IPO8: variants seen among roughly 807,000 people sequenced by gnomAD.
IPO8 encodes importin-8.
In IPO8, 65 loss-of-function variants were observed where a neutral mutation model predicts 141.2. That is an observed-to-expected ratio of 0.46 (90% CI 0.38 to 0.57). IPO8 has a LOEUF of 0.57. IPO8 is among the 20% of genes least tolerant of loss of function. The probability of loss-of-function intolerance (pLI) is 0.00; values close to 1 mark genes in which losing one functional copy is unlikely to be tolerated. For synonymous variants in IPO8, 411 were observed against 420.3 expected, an observed-to-expected ratio of 0.98 and a Z score of 0.27; for missense variants, 980 against 1,246.8, an observed-to-expected ratio of 0.79 and a Z score of 3.22.
rs191088924 is a variant in IPO8, at chr12:30,634,350, G to A, written c.2696-64C>T. On this transcript the variant is annotated intron_variant, in intron 22 of 24. Coordinates refer to ENST00000256079, the MANE Select transcript of IPO8 (RefSeq NM_006390.4). ...ATAAGGACAAAATATAAAACTTCACGACAAAAACCAAAGACTATAAAACTA... is the reference window on the plus strand; with the variant it reads ...ATAAGGACAAAATATAAAACTTCACAACAAAAACCAAAGACTATAAAACTA... The A allele has an allele frequency of 1.1e-4, 144 of 1,337,934 alleles. No individual in the cohort carries two copies. In the Admixed American group the frequency reaches 2.5e-3, roughly 23 times the overall value. 82.9% of individuals were successfully genotyped at this position (1,337,934 alleles called of 1,614,324 possible).
intron 5 of IPO8, among the ~76,000 whole-genome samples, chr12:30,679,451 GA>G (rs1257350961): frequency 6.6e-6 from 1 of 152,138 alleles, no homozygotes; most frequent in South Asian, 2.1e-4. Flanking sequence ...TCTGCCAATA[GA>G]AAAAGGAAGT....
chr12:30,674,095 T>G, intron 7 of IPO8, 21 bp from the exon 8 acceptor site: 1 of 1,427,464 alleles, frequency 7.0e-7, no homozygotes, highest in Non-Finnish European at 9.8e-7. Flanking sequence ...AAAGAGAAAA[T>G]GTACAAATAC....
Position 30,681,834 on chromosome 12 carries a change from A to G in IPO8, c.324-17T>C. On this transcript the variant is annotated splice_polypyrimidine_tract_variant and intron_variant, in intron 3 of 24. Transcript: ENST00000256079. ...AATTGGACTCTACAAAGTAGGGAAG[A>G]AAAGTCCAAAATCTAAGTAATTATA... 6.3e-7 allele frequency: 1 copy of G among 1,592,576 alleles called. No individual in the cohort carries two copies. Among genetic ancestry groups the G allele is most frequent in the Non-Finnish European group, 8.6e-7 (1 of 1,169,518 alleles).
chr12:30,691,615 C>A (rs1488828208), intron 1 of IPO8, among the ~76,000 whole-genome samples: 1 of 152,222 alleles, frequency 6.6e-6, no homozygotes, highest in East Asian at 1.9e-4. Context: ...TTTGAAAAGA[C>A]TCAAATTCCA....
At chr12:30,676,008 G>T (rs143430800) in intron 6 of IPO8, among the ~76,000 whole-genome samples, 1 of 151,238 alleles carries the variant, frequency 6.6e-6, no homozygotes, top group South Asian at 2.1e-4. Flanking sequence ...AGCATAGTTT[G>T]CTGCAGCCTC....
Position 30,695,772 on chromosome 12 carries a change from C to T in IPO8, c.-125G>A. On this transcript the variant is annotated 5_prime_UTR_variant, in exon 1 of 25. It adds an upstream start codon to the 5' untranslated region. Coordinates refer to ENST00000256079, the MANE Select transcript of IPO8 (RefSeq NM_006390.4). The surrounding 1 kb of genome is among the most constrained non-coding windows in gnomAD (Gnocchi z 4.2). ...TTACCTCACACCCCACCCCCCGCCA[C>T]CGTCGCCACCTGCGGCCACTTGCTG... is the stretch of plus-strand genomic sequence containing the variant. 1 of 815,578 alleles carries T rather than the reference C, an allele frequency of 1.2e-6. No individual in the cohort carries two copies. Among genetic ancestry groups the T allele is most frequent in the Non-Finnish European group, 1.9e-6 (1 of 529,792 alleles). 50.5% of individuals were successfully genotyped at this position (815,578 alleles called of 1,614,324 possible).
At chr12:30,681,567 G>A in intron 4 of IPO8, 92 bp downstream of exon 4, 4 of 1,169,038 alleles carry the variant, frequency 3.4e-6, no homozygotes, top group Non-Finnish European at 4.9e-6. Flanking sequence ...CTGATAACCT[G>A]TGCAGAACAT....
intron 17 of IPO8, among the ~76,000 whole-genome samples, chr12:30,653,847 T>C (rs573353021): frequency 6.6e-6 from 1 of 152,204 alleles, no homozygotes; most frequent in African/African-American, 2.4e-5. Context: ...AAGGTTTCTC[T>C]AACATTACTT....
At chr12:30,649,041 C>G in intron 20 of IPO8, 96 bp downstream of exon 20, 2 of 815,602 alleles carry the variant, frequency 2.5e-6, no homozygotes, top group South Asian at 3.4e-5. Context: ...ATAGGCTGTC[C>G]TTTCCATTTT....
At chr12:30,677,231 G>C (rs2053134294) in intron 5 of IPO8, 1 of 488,972 alleles carries the variant, frequency 2.0e-6, no homozygotes, top group African/African-American at 1.9e-5. Context: ...GTGACAGACT[G>C]CATATACAAC....
intron 17 of IPO8, among the ~76,000 whole-genome samples, chr12:30,656,118 C>T (rs931913274): frequency 6.6e-6 from 1 of 152,216 alleles, no homozygotes; most frequent in Admixed American, 6.5e-5. Context: ...TTCATGGCAG[C>T]CTCTACCTGC....
intron 4 of IPO8, 94 bp from the exon 5 acceptor site, chr12:30,680,732 T>A: frequency 2.0e-6 from 2 of 1,006,154 alleles, no homozygotes; most frequent in Non-Finnish European, 2.8e-6. Context: ...TACATAAAAC[T>A]AACAAAACAA....
At chr12:30,662,282 C>T in intron 15 of IPO8, 45 bp downstream of exon 15, 2 of 1,525,498 alleles carry the variant, frequency 1.3e-6, no homozygotes, top group East Asian at 2.3e-5. Flanking sequence ...ATTTAGATTA[C>T]TCAAGGTTTC....
At position 30,681,746 on chromosome 12, in the gene IPO8, T is replaced by C; in HGVS notation, c.395A>G (p.Asp132Gly). The C allele has an allele frequency of 6.2e-7, 1 of 1,613,902 alleles. No homozygotes were observed. Residue 132 changes from aspartate to glycine, a missense_variant, in exon 4 of 25, where the codon GAC (aspartate) becomes GGC (glycine). Asp to Gly is a moderately conservative substitution (Grantham distance 94). Coordinates refer to ENST00000256079, the MANE Select transcript of IPO8 (RefSeq NM_006390.4). ...TGATTGCAAGTAATAGTCTATCTTG[T>C]CGACCACTCCTGGCCAGTGACCAGG... ...DFPGHWPGVV[D>G]KIDYYLQSQS...
intron 2 of IPO8, 77 bp from the exon 3 acceptor site, chr12:30,684,534 C>A: frequency 7.1e-7 from 1 of 1,401,348 alleles, no homozygotes; most frequent in Admixed American, 1.9e-5. Context: ...GCATGAAAGT[C>A]CAAACCCTTC....
intron 2 of IPO8, among the ~76,000 whole-genome samples, chr12:30,689,750 G>A (rs758412856): frequency 6.6e-6 from 1 of 152,182 alleles, no homozygotes. Context: ...TCTGAGTGAT[G>A]AATGTTGGGT....
rs766750337 is a variant in IPO8 at position 30,676,460 on chromosome 12, C to T, written c.729+38G>A. On this transcript the variant is annotated intron_variant, in intron 6 of 24. Transcript: ENST00000256079. ...CAGTCTACCGCAAACATTCCAAACC[C>T]GTTTCCCCTATTTTTCTTGGGAAAA... The T allele has an allele frequency of 1.7e-5, 24 of 1,442,388 alleles. 1 individual carries two copies. The Admixed American group carries it at 1.8e-4, about 11-fold the overall frequency. The allele number at this position is 1,442,388 out of a possible 1,614,324, so 89.3% of individuals were successfully genotyped here.
In IPO8 at chr12:30,656,619, T is replaced by C. The variant is rs2052804314; in HGVS notation, c.1948+65A>G. On this transcript the variant is annotated intron_variant, in intron 17 of 24. Transcript: ENST00000256079. ...CTTGTTAAATCTGAAGGGCTAAAAT[T>C]ATACTTTGAGTTCAAATTTTTAAAA... 4.4e-6 allele frequency: 4 copies of C among 910,146 alleles called. No homozygotes were observed. In the East Asian group the frequency reaches 1.2e-4, roughly 27 times the overall value. 56.4% of individuals were successfully genotyped at this position (910,146 alleles called of 1,614,324 possible). A position where few individuals can be genotyped will look rare whatever the true frequency, so the allele number is the denominator to read the frequency against.
rs954800095 is a variant in IPO8 at position 30,655,897 on chromosome 12, C to A, written c.1948+787G>T. 5.9e-5 allele frequency among the ~76,000 whole-genome samples: 9 copies of A among 152,278 alleles called. No homozygotes were observed. In the East Asian group the frequency reaches 1.7e-3, roughly 29 times the overall value. ...ACACAGCTTGCATCTGTGTCACACC[C>A]ACATGACGTGGGGCTAGCATCTTCA... On this transcript the variant is annotated intron_variant, in intron 17 of 24. Transcript: ENST00000256079.
Sources: allele counts gnomAD v4.1 joint callset (sites outside exome capture counted in the v4.1 genomes callset), GRCh38; gene constraint gnomAD v4.1.1; non-coding constraint Gnocchi (gnomAD v3.1); transcripts MANE v1.5; gene names NCBI Gene and HGNC (gene_info 2026-07-23, HGNC 2026-07-21).